The following GSE1 variants were observed in gnomAD, a reference collection of about 807,000 sequenced individuals.
GSE1 encodes the protein Gse1 coiled-coil protein.
In GSE1, 32 loss-of-function variants were observed where a neutral mutation model predicts 112.6. That is an observed-to-expected ratio of 0.28 (90% CI 0.21 to 0.38). The LOEUF (loss-of-function observed/expected upper bound fraction) is 0.38, where lower values mean the gene tolerates loss of function less well. Ranked by LOEUF, GSE1 falls within the 10% of genes least tolerant of loss-of-function variation. The pLI, the probability that GSE1 is intolerant of heterozygous loss-of-function variation, is 1.00. For missense variants in GSE1, 2,348 were observed against 1,699.2 expected, an observed-to-expected ratio of 1.38 and a Z score of -6.71; for synonymous variants, 1,115 against 735.6, an observed-to-expected ratio of 1.52 and a Z score of -8.35.
chr16:85,302,138 C>T (rs773445890), intron 1 of GSE1, among the ~76,000 whole-genome samples: 66 of 152,268 alleles, frequency 4.3e-4, no homozygotes, highest in Non-Finnish European at 7.2e-4. Flanking sequence ...TGGAATGTCA[C>T]CTGGGGAGAG....
intron 2 of GSE1, among the ~76,000 whole-genome samples, chr16:85,479,327 C>T (rs1016910123): frequency 2.7e-5 from 4 of 149,966 alleles, no homozygotes; most frequent in African/African-American, 4.9e-5. Context: ...CCACTGTGTC[C>T]GGCCTTAGTT....
chr16:85,476,175 T>C (rs1269985369), intron 2 of GSE1, among the ~76,000 whole-genome samples: 2 of 152,216 alleles, frequency 1.3e-5, no homozygotes, highest in East Asian at 3.8e-4. Context: ...CAAGTGATCC[T>C]CCTGCCTGGG....
intron 2 of GSE1, among the ~76,000 whole-genome samples, chr16:85,493,929 A>G (rs1483397688): frequency 6.6e-6 from 1 of 152,008 alleles, no homozygotes; most frequent in Non-Finnish European, 1.5e-5. Context: ...AAAAGAAAAA[A>G]AAAATTAGCT....
intron 2 of GSE1, among the ~76,000 whole-genome samples, chr16:85,498,013 C>T (rs2051237967): frequency 6.6e-6 from 1 of 150,700 alleles, no homozygotes; most frequent in African/African-American, 2.4e-5. Flanking sequence ...ACCACCGTGC[C>T]TGTGTGCTCC....
rs931473806 is a variant in GSE1 at position 85,654,251 on chromosome 16, C to T, written c.427-27C>T. The T allele has an allele frequency of 6.4e-6, 10 of 1,566,472 alleles. No individual in the cohort carries two copies. In the African/African-American group the frequency reaches 8.2e-5, roughly 13 times the overall value. ...GTCAGTGGCCTATACCAGGCTCCTG[C>T]CCTGACTGGACGCTCTCCTCCCGCA... On this transcript the variant is annotated intron_variant, in intron 3 of 15. Transcript: ENST00000253458.
intron 4 of GSE1, 58 bp downstream of exon 4, chr16:85,654,508 G>T: frequency 7.0e-7 from 1 of 1,430,180 alleles, no homozygotes; most frequent in South Asian, 1.3e-5. Context: ...AGTGCTCAGG[G>T]TCTGGGTCCC....
chr16:85,315,198 G>A (rs1469165465), intron 1 of GSE1, among the ~76,000 whole-genome samples: 3 of 152,166 alleles, frequency 2.0e-5, no homozygotes, highest in Non-Finnish European at 2.9e-5. Context: ...GAGACAAAGG[G>A]GTGGCTGAGG....
At chr16:85,551,923 C>G (rs1184566604), upstream of GSE1, among the ~76,000 whole-genome samples, 1 of 152,266 alleles carries the variant, frequency 6.6e-6, no homozygotes, top group African/African-American at 2.4e-5. Context: ...CATGCCCACT[C>G]TTCTCTGGCC....
At chr16:85,487,375 G>C (rs73265132) in intron 2 of GSE1, among the ~76,000 whole-genome samples, 1 of 152,188 alleles carries the variant, frequency 6.6e-6, no homozygotes, top group African/African-American at 2.4e-5. Context: ...TCTGGGGTCT[G>C]TAGAGTGTTC....
intron 2 of GSE1, among the ~76,000 whole-genome samples, chr16:85,638,600 G>C (rs1043701502): frequency 1.3e-5 from 2 of 152,078 alleles, no homozygotes; most frequent in South Asian, 4.1e-4. Flanking sequence ...TGCCACAGCC[G>C]GGAATGGTGG....
chr16:85,404,100 C>T (rs527761813), intron 2 of GSE1, among the ~76,000 whole-genome samples: 2 of 150,718 alleles, frequency 1.3e-5, no homozygotes, highest in South Asian at 2.1e-4. Flanking sequence ...ACAGGGCCCC[C>T]CCGGATAATC....
chr16:85,427,391 C>T (rs571028780), intron 2 of GSE1, among the ~76,000 whole-genome samples: 10 of 152,316 alleles, frequency 6.6e-5, no homozygotes, highest in African/African-American at 2.4e-4. Context: ...CCTATAATCC[C>T]AGCACTTTGG....
intron 1 of GSE1, among the ~76,000 whole-genome samples, chr16:85,257,217 G>T (rs1052266473): frequency 6.6e-6 from 1 of 152,056 alleles, no homozygotes; most frequent in Non-Finnish European, 1.5e-5. Flanking sequence ...CAAGCGATTC[G>T]CCTGCTTCAT....
intron 2 of GSE1, among the ~76,000 whole-genome samples, chr16:85,639,551 C>T (rs888610955): frequency 6.6e-6 from 1 of 152,244 alleles, no homozygotes; most frequent in African/African-American, 2.4e-5. Flanking sequence ...ATCCCTTGTC[C>T]TTGGAGGTGC....
intron 1 of GSE1, among the ~76,000 whole-genome samples, chr16:85,584,818 G>A (rs923296312): frequency 6.6e-6 from 1 of 152,186 alleles, no homozygotes; most frequent in Non-Finnish European, 1.5e-5. Context: ...GCTGAGCAGG[G>A]TGTGGGGGTG....
At chr16:85,564,509 G>A (rs1425361548) in intron 1 of GSE1, among the ~76,000 whole-genome samples, 1 of 152,152 alleles carries the variant, frequency 6.6e-6, no homozygotes, top group Non-Finnish European at 1.5e-5. Context: ...GGGGGTGAAG[G>A]CTGTGTCCAA....
chr16:85,277,020 G>T (rs552430887), intron 1 of GSE1, among the ~76,000 whole-genome samples: 4 of 152,292 alleles, frequency 2.6e-5, no homozygotes, highest in African/African-American at 9.6e-5. Flanking sequence ...CAGGTTGCAG[G>T]ATGAGAGGAT....
chr16:85,606,959 A>T (rs2047731708), upstream of GSE1, among the ~76,000 whole-genome samples: 1 of 151,798 alleles, frequency 6.6e-6, no homozygotes, highest in Non-Finnish European at 1.5e-5. Flanking sequence ...TTTAAATGCA[A>T]ATATTTCTTT....
chr16:85,413,734 C>T (rs2048638720), intron 2 of GSE1, among the ~76,000 whole-genome samples: 1 of 152,080 alleles, frequency 6.6e-6, no homozygotes, highest in Non-Finnish European at 1.5e-5. Context: ...CCAGAACCTC[C>T]AGGGCAAGGA....
Sources: allele counts gnomAD v4.1 joint callset (sites outside exome capture counted in the v4.1 genomes callset), GRCh38; gene constraint gnomAD v4.1.1; transcripts MANE v1.5; gene names NCBI Gene and HGNC (gene_info 2026-07-23, HGNC 2026-07-21).